The following ARSG variants were observed in gnomAD, a reference collection of about 807,000 sequenced individuals.
ARSG encodes arylsulfatase G.
In ARSG, 37 loss-of-function variants were observed where a neutral mutation model predicts 50.5. The ratio of observed to expected loss-of-function variants is 0.73; its 90% CI spans 0.56 to 0.96. The LOEUF (loss-of-function observed/expected upper bound fraction) is 0.96, where lower values mean the gene tolerates loss of function less well. Among genes scored for constraint, ARSG ranks in the 50% least tolerant of loss-of-function variants. ARSG has a pLI of 0.00. For synonymous variants in ARSG, 225 were observed against 254.6 expected (o/e 0.88, Z 1.11); for missense variants, 629 against 675.3 (o/e 0.93, Z 0.76).
At chr17:68,441,072 A>G in the ARSG span, 1 of 152,194 alleles carries the variant, frequency 6.6e-6, no homozygotes, top group Non-Finnish European at 1.5e-5. Context: ...CTCCCTCAAT[A>G]TCCCATAAAA....
At chr17:68,385,987 A>G (rs1252316370) in intron 9 of ARSG, among the ~76,000 whole-genome samples, 1 of 152,178 alleles carries the variant, frequency 6.6e-6, no homozygotes, top group Non-Finnish European at 1.5e-5. Context: ...GCCTCTGGCC[A>G]TGATGCTTCT....
At chr17:68,335,238 A>G (rs1032479779) in intron 2 of ARSG, among the ~76,000 whole-genome samples, 3 of 152,030 alleles carry the variant, frequency 2.0e-5, no homozygotes, top group African/African-American at 4.8e-5. Context: ...GACTCAAGCA[A>G]TTATCACTGT....
chr17:68,281,066 C>T (rs1463992783), intron 1 of ARSG, among the ~76,000 whole-genome samples: 5 of 149,422 alleles, frequency 3.3e-5, no homozygotes, highest in Non-Finnish European at 7.4e-5. Context: ...GTGGAGGTTG[C>T]AGTGAGCTGA....
chr17:68,271,022 T>C lies in ARSG; in HGVS notation c.-552+11596T>C. 1 of 1,614,112 alleles carries C rather than the reference T, an allele frequency of 6.2e-7. No individual in the cohort carries two copies. The highest frequency in any genetic ancestry group is 8.5e-7 in the Non-Finnish European group (1 of 1,180,030). On this transcript the variant is annotated intron_variant, in intron 1 of 11. Transcript: ENST00000448504. This position sits in a 1 kb window ranked among gnomAD's most constrained non-coding sequence, Gnocchi z 5.3. ...CATGACATTAGACCCCAGAATTCAG[T>C]AGCAAAAGTAAAGGCAAACAGAGAC...
At chr17:68,425,823 C>G (rs1256187631), downstream of ARSG, 1 of 403,310 alleles carries the variant, frequency 2.5e-6, no homozygotes, top group Non-Finnish European at 4.4e-6. Context: ...TGGAGGGAGG[C>G]CACCAAGACT....
At chr17:68,313,667 G>A (rs2076951901) in intron 2 of ARSG, among the ~76,000 whole-genome samples, 2 of 129,924 alleles carry the variant, frequency 1.5e-5, no homozygotes, top group African/African-American at 2.8e-5. Context: ...GCTGTATTAC[G>A]TATCTCTCTC....
At chr17:68,405,496 T>C (rs1266503064) in intron 11 of ARSG, among the ~76,000 whole-genome samples, 2 of 152,326 alleles carry the variant, frequency 1.3e-5, no homozygotes, top group Admixed American at 6.5e-5. Flanking sequence ...ACTGTTAGTG[T>C]ATAGAAATAT....
intron 8 of ARSG, among the ~76,000 whole-genome samples, chr17:68,372,487 G>A (rs9897005): frequency 0.012 from 1,757 of 152,296 alleles, 12 homozygotes; most frequent in Non-Finnish European, 0.018. Flanking sequence ...AAGGGGAAGC[G>A]TGTATGTCCT....
Position 68,392,175 on chromosome 17 carries a change from C to T in ARSG, c.1092-2898C>T, listed in dbSNP as rs116192700. 1.8e-4 allele frequency among the ~76,000 whole-genome samples: 27 copies of T among 152,334 alleles called. No individual in the cohort carries two copies. In the East Asian group the frequency reaches 2.3e-3, roughly 13 times the overall value. On this transcript the variant is annotated intron_variant, in intron 9 of 11. Coordinates refer to ENST00000621439, the MANE Select transcript of ARSG (RefSeq NM_001267727.2). ...CCTCTTTCTTGGGAAAGTCCAGCTT[C>T]GCATTAGCTCAGCCCTCCTGGCTCC...
At chr17:68,444,518 G>C in the ARSG span, 1 of 1,614,000 alleles carries the variant, frequency 6.2e-7, no homozygotes, top group Non-Finnish European at 8.5e-7. Context: ...GAATATCCAG[G>C]AGGGTCTTCA....
chr17:68,265,339 C>T (rs1248374518), intron 1 of ARSG, among the ~76,000 whole-genome samples: 1 of 151,596 alleles, frequency 6.6e-6, no homozygotes, highest in East Asian at 1.9e-4. Flanking sequence ...ACTAAAAATA[C>T]AAAAACTAGC....
chr17:68,360,115 G>A (rs751494449), intron 6 of ARSG, among the ~76,000 whole-genome samples: 9 of 152,124 alleles, frequency 5.9e-5, no homozygotes, highest in Non-Finnish European at 1.0e-4. Flanking sequence ...ACATCCACCC[G>A]TTAATTAATC....
chr17:68,435,544 G>T, the ARSG span: 1 of 1,443,202 alleles, frequency 6.9e-7, no homozygotes, highest in Non-Finnish European at 9.7e-7. Context: ...CACCAGGTTT[G>T]TTCAATCCCA....
chr17:68,415,947 G>T (rs1195232250), intron 11 of ARSG, among the ~76,000 whole-genome samples: 2 of 152,106 alleles, frequency 1.3e-5, no homozygotes, highest in African/African-American at 4.8e-5. Context: ...GCAGATGGTT[G>T]GTTGGTGATC....
chr17:68,308,201 G>A (rs2076683188), intron 2 of ARSG, among the ~76,000 whole-genome samples: 1 of 152,318 alleles, frequency 6.6e-6, no homozygotes, highest in East Asian at 1.9e-4. Flanking sequence ...AGCTACTCGG[G>A]AGGCTGAAGT....
At chr17:68,400,702 G>A (rs937677686) in intron 10 of ARSG, 1 of 152,212 alleles carries the variant, frequency 6.6e-6, no homozygotes, top group East Asian at 1.9e-4. Context: ...AAGCTCTGCC[G>A]TGGTCATCAT....
chr17:68,434,535 G>A, the ARSG span: 2 of 1,613,172 alleles, frequency 1.2e-6, no homozygotes, highest in African/African-American at 1.3e-5. Flanking sequence ...CTTTAAAATG[G>A]GTTTGACATT....
the ARSG span, among the ~76,000 whole-genome samples, chr17:68,448,795 G>C: frequency 4.6e-5 from 7 of 152,204 alleles, no homozygotes; most frequent in Non-Finnish European, 1.0e-4. Context: ...AACTTAATCT[G>C]CTACCAACAG....
intron 1 of ARSG, among the ~76,000 whole-genome samples, chr17:68,300,856 A>T (rs1011723365): frequency 2.8e-5 from 4 of 142,760 alleles, no homozygotes; most frequent in Non-Finnish European, 6.2e-5. Flanking sequence ...TCCAAGCTTT[A>T]AAAAAAAAAA....
Sources: gnomAD v4.1 joint callset for allele counts (sites outside exome capture counted in the v4.1 genomes callset) on GRCh38, gnomAD v4.1.1 for gene constraint, Gnocchi (gnomAD v3.1) non-coding constraint, MANE v1.5 for transcripts, NCBI Gene and HGNC (gene_info 2026-07-23, HGNC 2026-07-21) for gene names.